Variants in PKHD1L1 observed in about 807,000 individuals in gnomAD.
The protein encoded by PKHD1L1 is fibrocystin-L.
Under a neutral mutation model 462.9 loss-of-function variants are expected in PKHD1L1, and 434 were observed. The ratio of observed to expected loss-of-function variants is 0.94; its 90% confidence interval spans 0.87 to 1.02. The LOEUF is 1.02. Ranked by LOEUF, PKHD1L1 falls within the 50% of genes least tolerant of loss-of-function variation. PKHD1L1 has a pLI of 0.00. For synonymous variants in PKHD1L1, 1,781 were observed against 1,750.0 expected (o/e 1.02, Z -0.44); for missense variants, 5,202 against 5,096.1 (o/e 1.02, Z -0.63).
chr8:109,480,566 A>G, intron 55 of PKHD1L1: 1 of 455,268 alleles, frequency 2.2e-6, no homozygotes. Context: ...AGAGAAAATA[A>G]ATCAAAATGT....
rs763681353 is a variant in PKHD1L1 at position 109,408,060 on chromosome 8, C to A, written c.1825C>A (p.Leu609Met). The A allele has an allele frequency of 6.3e-7, 1 of 1,595,602 alleles. No homozygotes were observed. The highest frequency in any genetic ancestry group is 8.5e-7 in the Non-Finnish European group (1 of 1,169,688). Residue 609 changes from leucine to methionine, a missense_variant, in exon 18 of 78, where the codon CTG (leucine) becomes ATG (methionine). By Grantham distance (15) the Leu-to-Met change is conservative. This residue lies in a region of PKHD1L1 where 4,497 missense variants were observed against 4,336.8 expected (regional missense o/e 1.04). Transcript: ENST00000378402. ...TFISTRGDFDLLGYEVVEGNN... is the reference protein window; with the variant it reads ...TFISTRGDFDMLGYEVVEGNN... The stretch of plus-strand genomic sequence containing the variant: ...TCACTTAATTTCAGGAGACTTTGAT[C>A]TGCTTGGTTATGAAGTAGTTGAAGG...
At chr8:109,447,392 T>A (rs1424653023) in intron 38 of PKHD1L1, among the ~76,000 whole-genome samples, 3 of 152,212 alleles carry the variant, frequency 2.0e-5, no homozygotes, top group African/African-American at 7.2e-5. Flanking sequence ...AAATTACTAC[T>A]TGAGGGCACT....
intron 11 of PKHD1L1, among the ~76,000 whole-genome samples, chr8:109,397,944 CT>C (rs1813062994): frequency 6.6e-6 from 1 of 152,094 alleles, no homozygotes. Flanking sequence ...CAATAGCTAT[CT>C]TTTAGCCTTT....
At chr8:109,485,851 T>A (rs1420584882) in intron 58 of PKHD1L1, among the ~76,000 whole-genome samples, 1 of 152,032 alleles carries the variant, frequency 6.6e-6, no homozygotes, top group South Asian at 2.1e-4. Context: ...AGCAGTACTT[T>A]AATAGAAGCG....
At chr8:109,449,673 C>T (rs1015789470) in intron 40 of PKHD1L1, among the ~76,000 whole-genome samples, 186 bp downstream of exon 40, 2 of 152,160 alleles carry the variant, frequency 1.3e-5, no homozygotes, top group African/African-American at 4.8e-5. Context: ...TCATAAATTG[C>T]AGATGGAATT....
At position 109,405,107 on chromosome 8, in the gene PKHD1L1, T is replaced by C; in HGVS notation, c.1646T>C (p.Leu549Ser). The C allele has an allele frequency of 6.7e-7, 1 of 1,490,230 alleles. No individual in the cohort carries two copies. The highest frequency in any genetic ancestry group is 1.2e-5 in the South Asian group (1 of 80,310). 92.3% of individuals were successfully genotyped at this position (1,490,230 alleles called of 1,614,324 possible). A position where few individuals can be genotyped will look rare whatever the true frequency, so the allele number is the denominator to read the frequency against. The change falls in exon 16 of 78, where the codon TTA becomes TCA. Residue 549 changes from leucine (L) to serine (S), a missense_variant. By Grantham distance (145) the Leu-to-Ser change is moderately radical. This residue lies in a region of PKHD1L1 where 4,497 missense variants were observed against 4,336.8 expected (regional missense o/e 1.04). Transcript: ENST00000378402. ...ANSCSLYQYRLIYNMEKTVFL... is the reference protein window; with the variant it reads ...ANSCSLYQYRSIYNMEKTVFL... ...TCATGTTCACTTTACCAATATAGAT[T>C]AATCTATAATATGGAAAAAACTGGT...
At chr8:109,495,211 T>A (rs1249673416) in intron 63 of PKHD1L1, among the ~76,000 whole-genome samples, 3 of 152,062 alleles carry the variant, frequency 2.0e-5, no homozygotes, top group Admixed American at 1.3e-4. Flanking sequence ...CCTTGATATA[T>A]GCTCTTGTTA....
intron 56 of PKHD1L1, 150 bp from the exon 57 acceptor site, chr8:109,482,837 A>G (rs1195438595): frequency 1.5e-5 from 7 of 482,430 alleles, no homozygotes; most frequent in Non-Finnish European, 2.1e-5. Flanking sequence ...GTCTTCTTAC[A>G]TGGTTCCAAG....
intron 43 of PKHD1L1, 24 bp downstream of exon 43, chr8:109,452,898 T>C (rs758784303): frequency 2.7e-5 from 36 of 1,350,126 alleles, no homozygotes; most frequent in South Asian, 6.0e-5. Flanking sequence ...TATCTGTTCA[T>C]TGGACTCTGC....
chr8:109,374,427 A>T (rs1436483646), intron 2 of PKHD1L1, among the ~76,000 whole-genome samples: 2 of 152,212 alleles, frequency 1.3e-5, no homozygotes, highest in African/African-American at 4.8e-5. Context: ...TGAATACAGC[A>T]CACTGATGGG....
rs1384933473 is a variant in PKHD1L1 at position 109,465,213 on chromosome 8, T to C, written c.8381T>C (p.Met2794Thr). 2 of 1,613,502 alleles carry C rather than the reference T, an allele frequency of 1.2e-6. No homozygotes were observed. Among genetic ancestry groups the C allele is most frequent in the Non-Finnish European group, 1.7e-6 (2 of 1,179,642 alleles). The change falls in exon 49 of 78, where the codon ATG becomes ACG. Residue 2794 changes from methionine to threonine, a missense_variant. By Grantham distance (81) the Met-to-Thr change is moderately conservative. Around this residue, in one of 3 missense-constraint regions of PKHD1L1, gnomAD observed 4,497 missense variants for 4,336.8 expected, o/e 1.04. Transcript: ENST00000378402. ...NKAGFRWEHE[M>T]VMIDVDGSLT... ...GCTGGCTTTCGCTGGGAACATGAAA[T>C]GGTAATGATTGATGTTGATGGCTCA...
At position 109,448,377 on chromosome 8, in the gene PKHD1L1, T is replaced by C. The variant is rs1816281958; in HGVS notation, c.6011T>C (p.Ile2004Thr). The change falls in exon 39 of 78, where the codon ATT (isoleucine) becomes ACT (threonine). Residue 2004 changes from isoleucine to threonine, a missense_variant. Physicochemically the swap from Ile to Thr is moderately conservative, Grantham distance 89 (BLOSUM62 -1). Around this residue, in one of 3 missense-constraint regions of PKHD1L1, gnomAD observed 4,497 missense variants for 4,336.8 expected, o/e 1.04. Transcript: ENST00000378402. ...VFEYPLNIQNINPSQGSFGGG... is the reference protein window; with the variant it reads ...VFEYPLNIQNTNPSQGSFGGG... ...GAGTACCCGCTTAATATTCAAAATATTAATCCAAGCCAAGGTAGTCATAAG... is the reference window on the plus strand; with the variant it reads ...GAGTACCCGCTTAATATTCAAAATACTAATCCAAGCCAAGGTAGTCATAAG... 1 of 1,612,168 alleles carries C rather than the reference T, an allele frequency of 6.2e-7. No individual in the cohort carries two copies. The highest frequency in any genetic ancestry group is 8.5e-7 in the Non-Finnish European group (1 of 1,178,766).
At chr8:109,401,703 T>A in intron 14 of PKHD1L1, 115 bp downstream of exon 14, 1 of 536,298 alleles carries the variant, frequency 1.9e-6, no homozygotes, top group Non-Finnish European at 3.2e-6. Context: ...TTTATTGGTT[T>A]AATTTATAAT....
intron 76 of PKHD1L1, among the ~76,000 whole-genome samples, chr8:109,524,147 G>A (rs372186150): frequency 1.3e-5 from 2 of 152,020 alleles, no homozygotes; most frequent in East Asian, 1.9e-4. Context: ...TGGATAAACC[G>A]CTTACGTTTG....
At chr8:109,495,542 G>A (rs913297891) in intron 63 of PKHD1L1, among the ~76,000 whole-genome samples, 2 of 152,076 alleles carry the variant, frequency 1.3e-5, no homozygotes, top group African/African-American at 4.8e-5. Context: ...CCAGGCAAGA[G>A]TCTGGGAAAC....
intron 71 of PKHD1L1, among the ~76,000 whole-genome samples, chr8:109,511,985 A>T (rs894603644): frequency 3.9e-5 from 6 of 152,136 alleles, no homozygotes; most frequent in Non-Finnish European, 8.8e-5. Flanking sequence ...TGGCTGCATA[A>T]ATGTCTTCTT....
At chr8:109,467,151 G>A (rs951218220) in intron 50 of PKHD1L1, among the ~76,000 whole-genome samples, 1 of 152,098 alleles carries the variant, frequency 6.6e-6, no homozygotes, top group Non-Finnish European at 1.5e-5. Context: ...CCTAACAGGT[G>A]CCAGGGATTG....
chr8:109,485,047 G>T lies in PKHD1L1; in HGVS notation c.9580G>T (p.Gly3194Ter). ...TTGGCACTTGAATTTTTCTAAGGAG[G>T]GAGAAGAGATTGTGATAACAACCAC... is the stretch of plus-strand genomic sequence containing the variant. ...SLMDAVDWQE[G>*]EEIVITTTSY... The change falls in exon 58 of 78, where the codon GGA becomes TGA. Residue 3194 changes from glycine (G) to a stop codon, truncating the protein, a stop_gained. Transcript: ENST00000378402. LOFTEE classifies it high-confidence loss of function. 6.3e-7 allele frequency: 1 copy of T among 1,584,730 alleles called. No homozygotes were observed. The highest frequency in any genetic ancestry group is 8.6e-7 in the Non-Finnish European group (1 of 1,167,448).
rs370624353 is a variant in PKHD1L1 at position 109,497,121 on chromosome 8, T to G, written c.10477-29T>G. On this transcript the variant is annotated intron_variant, in intron 64 of 77. Coordinates refer to ENST00000378402, the MANE Select transcript of PKHD1L1 (RefSeq NM_177531.6). ...TATTTTCTTTTATGATTGTCCTTAG[T>G]ATTATGTAACCTGCAAATTCTATTG... The G allele has an allele frequency of 6.3e-5, 101 of 1,613,216 alleles. 1 individual carries two copies. The East Asian group carries it at 1.3e-3, about 21-fold the overall frequency.
Sources: allele counts gnomAD v4.1 joint callset (sites outside exome capture counted in the v4.1 genomes callset), GRCh38; gene constraint gnomAD v4.1.1; regional missense constraint gnomAD v4.1.1; transcripts MANE v1.5; gene names NCBI Gene and HGNC (gene_info 2026-07-23, HGNC 2026-07-21).